The following SLC27A2 variants were observed in gnomAD, a reference collection of about 807,000 sequenced individuals.
SLC27A2 encodes long-chain fatty acid transport protein 2.
In SLC27A2, 54 loss-of-function variants were observed where a neutral mutation model predicts 60.0. The ratio of observed to expected loss-of-function variants is 0.90; its 90% CI spans 0.72 to 1.13. The LOEUF is 1.13. Among genes scored for constraint, SLC27A2 ranks in the 50% most tolerant of loss-of-function variants. SLC27A2 has a pLI of 0.00. For synonymous variants in SLC27A2, 297 were observed against 297.6 expected, an observed-to-expected ratio of 1.00 and a Z score of 0.02; for missense variants, 739 against 777.6, an observed-to-expected ratio of 0.95 and a Z score of 0.59.
In SLC27A2 at chr15:50,197,454, A is replaced by T. The variant is rs765469790; in HGVS notation, c.479-46A>T. On this transcript the variant is annotated intron_variant, in intron 1 of 9. Transcript: ENST00000267842. ...CTTGTTGAAGCACTAATAGAACTTTAATAGACTGATTTAGTTTGTTTTGAT... is the reference window on the plus strand; with the variant it reads ...CTTGTTGAAGCACTAATAGAACTTTTATAGACTGATTTAGTTTGTTTTGAT... 1.4e-5 allele frequency: 21 copies of T among 1,466,942 alleles called. No individual in the cohort carries two copies. In the South Asian group the frequency reaches 2.4e-4, roughly 17 times the overall value. 90.9% of individuals were successfully genotyped at this position (1,466,942 alleles called of 1,614,324 possible).
chr15:50,194,051 T>C (rs2044994768), intron 1 of SLC27A2, among the ~76,000 whole-genome samples: 1 of 151,994 alleles, frequency 6.6e-6, no homozygotes, highest in African/African-American at 2.4e-5. Context: ...GAGGCTGAAA[T>C]GGGAAAATCA....
intron 4 of SLC27A2, among the ~76,000 whole-genome samples, chr15:50,218,040 C>T (rs567331218): frequency 1.9e-4 from 21 of 109,224 alleles, no homozygotes; most frequent in Admixed American, 1.9e-3. Flanking sequence ...GGTGACAGGG[C>T]GAGAGGCGAG....
At chr15:50,205,133 A>G in intron 3 of SLC27A2, 106 bp from the exon 4 acceptor site, 1 of 1,362,308 alleles carries the variant, frequency 7.3e-7, no homozygotes, top group South Asian at 1.5e-5. Flanking sequence ...GTTTGCAAAT[A>G]TAATTTATTT....
chr15:50,193,170 T>G (rs943706090), intron 1 of SLC27A2, among the ~76,000 whole-genome samples: 2 of 152,230 alleles, frequency 1.3e-5, no homozygotes, highest in Non-Finnish European at 2.9e-5. Flanking sequence ...CAGCTGATCT[T>G]CATCTCCACC....
At chr15:50,216,300 A>G (rs1187481783) in intron 4 of SLC27A2, among the ~76,000 whole-genome samples, 1 of 152,122 alleles carries the variant, frequency 6.6e-6, no homozygotes. Context: ...CAAAAAAATC[A>G]AAAACAGCAG....
chr15:50,190,916 T>C (rs1051678325), intron 1 of SLC27A2: 1 of 152,204 alleles, frequency 6.6e-6, no homozygotes, highest in Admixed American at 6.5e-5. Flanking sequence ...AGATCATCCA[T>C]GTTACTCATT....
rs553752304 is a variant in SLC27A2 at position 50,206,104 on chromosome 15, T to C, written c.972+741T>C. On this transcript the variant is annotated intron_variant, in intron 4 of 9. Transcript: ENST00000267842. The stretch of plus-strand genomic sequence containing the variant: ...TCTGGTATCAGATAGGATTTATCAA[T>C]GGTGGCACTGCTGACATTTTGGGCT... Among the ~76,000 whole-genome samples the C allele has an allele frequency of 2.6e-5, 4 of 152,318 alleles. No individual in the cohort carries two copies. In the East Asian group the frequency reaches 7.7e-4, roughly 29 times the overall value.
At chr15:50,232,124 G>C (rs1331582583) in intron 8 of SLC27A2, among the ~76,000 whole-genome samples, 1 of 152,236 alleles carries the variant, frequency 6.6e-6, no homozygotes, top group Non-Finnish European at 1.5e-5. Flanking sequence ...AAATGCAGCA[G>C]TACTGTCTGA....
At chr15:50,188,138 G>A (rs2140894639) in intron 1 of SLC27A2, among the ~76,000 whole-genome samples, 1 of 152,266 alleles carries the variant, frequency 6.6e-6, no homozygotes, top group Non-Finnish European at 1.5e-5. Flanking sequence ...TGTGCTCAGT[G>A]TGCTGGGAGG....
intron 8 of SLC27A2, among the ~76,000 whole-genome samples, chr15:50,231,919 GA>G (rs1379491537): frequency 6.6e-6 from 1 of 152,222 alleles, no homozygotes; most frequent in East Asian, 1.9e-4. Flanking sequence ...CCCAGGATAG[GA>G]AATGCCCCCA....
Position 50,196,101 on chromosome 15 carries a change from T to A in SLC27A2, c.479-1399T>A, listed in dbSNP as rs868287721. Among the ~76,000 whole-genome samples the A allele has an allele frequency of 7.4e-3, 289 of 39,052 alleles. 47 individuals carry two copies. The highest frequency in any genetic ancestry group is 0.012 in the African/African-American group (124 of 10,702). The allele number at this position is 39,052 out of a possible 152,430, so 25.6% of individuals were successfully genotyped here. A position where few individuals can be genotyped will look rare whatever the true frequency, so the allele number is the denominator to read the frequency against. ...AAATATATATATATATATATATATA[T>A]ATATATATATATATATATATATATG... On this transcript the variant is annotated intron_variant, in intron 1 of 9. Coordinates refer to ENST00000267842, the MANE Select transcript of SLC27A2 (RefSeq NM_003645.4).
Position 50,234,994 on chromosome 15 carries a change from G to C in SLC27A2, c.1687-926G>C, listed in dbSNP as rs775938444. Reference sequence around the variant, plus strand: ...CTTTCTGTGGTGTGAAATTTAATTGGACATTAGCCAGCTGGAATTGCCTAA... The same window carrying C: ...CTTTCTGTGGTGTGAAATTTAATTGCACATTAGCCAGCTGGAATTGCCTAA... On this transcript the variant is annotated intron_variant, in intron 9 of 9. Transcript: ENST00000267842. Among the ~76,000 whole-genome samples, 10 of 148,562 alleles carry C rather than the reference G, an allele frequency of 6.7e-5. No individual in the cohort carries two copies. The East Asian group carries it at 1.9e-3, about 29-fold the overall frequency.
At position 50,222,605 on chromosome 15, in the gene SLC27A2, A is replaced by G. The variant is rs74378431; in HGVS notation, c.973-360A>G. ...CAGCCCCATCAAGAAAACTATGAAC[A>G]TATTATACACATTATTCTAACTTTA... On this transcript the variant is annotated intron_variant, in intron 4 of 9. Coordinates refer to ENST00000267842, the MANE Select transcript of SLC27A2 (RefSeq NM_003645.4). 5.8e-3 allele frequency among the ~76,000 whole-genome samples: 882 copies of G among 152,326 alleles called. 5 individuals are homozygous for G. Among genetic ancestry groups the G allele is most frequent in the African/African-American group, 0.02 (844 of 41,568 alleles).
At chr15:50,212,420 C>T (rs1462362119) in intron 4 of SLC27A2, among the ~76,000 whole-genome samples, 1 of 152,166 alleles carries the variant, frequency 6.6e-6, no homozygotes, top group Admixed American at 6.5e-5. Flanking sequence ...CCTAGACATG[C>T]AAATACATGA....
chr15:50,205,353 A>G lies in SLC27A2; in HGVS notation c.962A>G (p.Asn321Ser). The change falls in exon 4 of 10, where the codon AAC (asparagine) becomes AGC (serine). Residue 321 changes from asparagine (N) to serine (S), a missense_variant. Transcript: ENST00000267842. The stretch of plus-strand genomic sequence containing the variant: ...GGTGAACTGCTTCGGTATTTATGCA[A>G]CTCACCACAGGTAACACTCCCCCCG... Reference protein sequence around the residue: ...YIGELLRYLCNSPQKPNDRDH... With the variant: ...YIGELLRYLCSSPQKPNDRDH... 2 of 1,605,628 alleles carry G rather than the reference A, an allele frequency of 1.2e-6. No homozygotes were observed.
rs1402074203 is a variant in SLC27A2, at chr15:50,182,741, A to G, written c.314A>G (p.Asp105Gly). 2 of 1,613,924 alleles carry G rather than the reference A, an allele frequency of 1.2e-6. No individual in the cohort carries two copies. Among genetic ancestry groups the G allele is most frequent in the Non-Finnish European group, 1.7e-6 (2 of 1,179,956 alleles). ...GACCACCTCGGCCTGCGCCAGGGAG[A>G]CTGCGTGGCGCTCCTTATGGGTAAC... ...LHDHLGLRQG[D>G]CVALLMGNEP... The change falls in exon 1 of 10, where the codon GAC becomes GGC. Residue 105 changes from aspartate to glycine, a missense_variant. Physicochemically the swap from Asp to Gly is moderately conservative, Grantham distance 94 (BLOSUM62 -1). Coordinates refer to ENST00000267842, the MANE Select transcript of SLC27A2 (RefSeq NM_003645.4).
chr15:50,202,669 G>C, intron 3 of SLC27A2, 24 bp downstream of exon 3: 5 of 1,607,414 alleles, frequency 3.1e-6, no homozygotes, highest in Non-Finnish European at 4.3e-6. Context: ...ACAAAATGTT[G>C]GAGGCGAGTG....
chr15:50,217,468 C>A (rs1383945284), intron 4 of SLC27A2, among the ~76,000 whole-genome samples: 1 of 152,088 alleles, frequency 6.6e-6, no homozygotes, highest in Non-Finnish European at 1.5e-5. Context: ...CTTTCCCCTG[C>A]ACAGATACTG....
intron 4 of SLC27A2, among the ~76,000 whole-genome samples, chr15:50,213,414 A>G (rs2045172191): frequency 6.6e-6 from 1 of 152,240 alleles, no homozygotes; most frequent in South Asian, 2.1e-4. Context: ...GAAAGTCAAC[A>G]AAGAAACAAT....
Sources: gnomAD v4.1 joint callset for allele counts (sites outside exome capture counted in the v4.1 genomes callset) on GRCh38, gnomAD v4.1.1 for gene constraint, MANE v1.5 for transcripts, NCBI Gene and HGNC (gene_info 2026-07-23, HGNC 2026-07-21) for gene names.